GSE1: variants seen among roughly 807,000 people sequenced by gnomAD.
GSE1 encodes the protein Gse1 coiled-coil protein.
Under a neutral mutation model 112.6 loss-of-function variants are expected in GSE1, and 32 were observed. The ratio of observed to expected loss-of-function variants is 0.28; its 90% CI spans 0.21 to 0.38. The LOEUF is 0.38. Ranked by LOEUF, GSE1 falls within the 10% of genes least tolerant of loss-of-function variation. The probability of loss-of-function intolerance (pLI) is 1.00; values close to 1 mark genes in which losing one functional copy is unlikely to be tolerated. For synonymous variants in GSE1, 1,115 were observed against 735.6 expected (o/e 1.52, Z -8.35); for missense variants, 2,348 against 1,699.2 (o/e 1.38, Z -6.71).
intron 1 of GSE1, among the ~76,000 whole-genome samples, chr16:85,288,279 C>T (rs2045101124): frequency 6.6e-6 from 1 of 152,130 alleles, no homozygotes; most frequent in Admixed American, 6.5e-5. Flanking sequence ...CTCTCAGCCC[C>T]CCTACGCACT....
chr16:85,282,484 A>G (rs1293367305), intron 1 of GSE1, among the ~76,000 whole-genome samples: 1 of 152,194 alleles, frequency 6.6e-6, no homozygotes, highest in African/African-American at 2.4e-5. Context: ...TTGGGGACCC[A>G]GGGCATTTAC....
rs531315516 is a variant in GSE1 at position 85,626,121 on chromosome 16, G to C, written c.8-7793G>C. Among the ~76,000 whole-genome samples the C allele has an allele frequency of 3.9e-5, 6 of 152,150 alleles. No homozygotes were observed. In the East Asian group the frequency reaches 1.2e-3, roughly 29 times the overall value. On this transcript the variant is annotated intron_variant, in intron 1 of 15. Transcript: ENST00000253458. ...CAGTATGGGGACCCAGGGCAGCCTG[G>C]GGGGGTGTTTTTATTTGGAAAAAAA...
At chr16:85,651,271 G>A (rs1419580045) in intron 3 of GSE1, among the ~76,000 whole-genome samples, 2 of 151,996 alleles carry the variant, frequency 1.3e-5, no homozygotes, top group East Asian at 1.9e-4. Context: ...ATGGGGGGCA[G>A]CCCTGTGCCT....
At chr16:85,663,646 C>G in intron 11 of GSE1, 32 bp downstream of exon 11, 2 of 1,588,646 alleles carry the variant, frequency 1.3e-6, no homozygotes, top group South Asian at 1.1e-5. Flanking sequence ...AAGGTGGGGG[C>G]TCACTGGGGT....
chr16:85,670,813 T>G (rs2053268179), intron 14 of GSE1, 182 bp from the exon 15 acceptor site: 4 of 481,650 alleles, frequency 8.3e-6, no homozygotes, highest in Non-Finnish European at 1.5e-5. Flanking sequence ...TTTAGTGACG[T>G]TTATGTATTT....
chr16:85,546,006 C>T (rs1430794415), intron 2 of GSE1, among the ~76,000 whole-genome samples: 3 of 152,126 alleles, frequency 2.0e-5, no homozygotes, highest in East Asian at 1.9e-4. Flanking sequence ...AGGATGGTCT[C>T]GATCTCCTGA....
intron 1 of GSE1, among the ~76,000 whole-genome samples, chr16:85,246,546 G>T (rs1473689761): frequency 3.8e-5 from 5 of 132,438 alleles, no homozygotes; most frequent in Admixed American, 8.5e-5. Flanking sequence ...ATTAGCAGCT[G>T]TGCAGGAGCA....
intron 1 of GSE1, among the ~76,000 whole-genome samples, chr16:85,558,462 C>G (rs1340967751): frequency 1.3e-5 from 2 of 152,158 alleles, no homozygotes; most frequent in Non-Finnish European, 2.9e-5. Flanking sequence ...ATCAGGTGAC[C>G]GATTTTCTGT....
chr16:85,289,236 A>G (rs1324922291), intron 1 of GSE1, among the ~76,000 whole-genome samples: 1 of 152,116 alleles, frequency 6.6e-6, no homozygotes, highest in Non-Finnish European at 1.5e-5. Context: ...GCAGTCCCAG[A>G]GGCTCTTGTG....
Position 85,500,897 on chromosome 16 carries a change from G to C in GSE1, c.2465-133017G>C, listed in dbSNP as rs192656333. Among the ~76,000 whole-genome samples the C allele has an allele frequency of 1.1e-3, 162 of 151,922 alleles. 1 individual carries two copies. The highest frequency in any genetic ancestry group is 3.7e-3 in the African/African-American group (155 of 41,416). ...TCACAGTCTCTGCCTCTGTCAGCAC[G>C]TGGCTGTCTTCCGTGTGTGTGTCTG... On this transcript the variant is annotated intron_variant, in intron 2 of 2. Transcript: ENST00000637419.
At chr16:85,262,506 G>T (rs1907805038) in intron 1 of GSE1, among the ~76,000 whole-genome samples, 1 of 152,220 alleles carries the variant, frequency 6.6e-6, no homozygotes, top group Non-Finnish European at 1.5e-5. Flanking sequence ...GCATGCCTTG[G>T]CCTCCCTCCT....
At chr16:85,212,758 A>G (rs967806969) in intron 1 of GSE1, among the ~76,000 whole-genome samples, 5 of 152,176 alleles carry the variant, frequency 3.3e-5, no homozygotes, top group African/African-American at 1.2e-4. Flanking sequence ...CGCAGGGGTG[A>G]CAGCTGAAGA....
At chr16:85,486,331 A>G (rs1171897194) in intron 2 of GSE1, among the ~76,000 whole-genome samples, 2 of 152,094 alleles carry the variant, frequency 1.3e-5, no homozygotes, top group Non-Finnish European at 2.9e-5. Flanking sequence ...TCTTGCACGC[A>G]TGTTGTCACG....
At chr16:85,338,950 A>C (rs904113666) in intron 1 of GSE1, among the ~76,000 whole-genome samples, 7 of 152,188 alleles carry the variant, frequency 4.6e-5, no homozygotes, top group African/African-American at 1.7e-4. Flanking sequence ...AGGCAGAAGC[A>C]TGGGGCATCT....
chr16:85,378,405 G>A (rs576685454), intron 2 of GSE1, among the ~76,000 whole-genome samples: 1 of 152,266 alleles, frequency 6.6e-6, no homozygotes, highest in African/African-American at 2.4e-5. Context: ...GCGCCTGGCA[G>A]TGTGGGCATG....
intron 1 of GSE1, among the ~76,000 whole-genome samples, chr16:85,558,605 C>G (rs1009211827): frequency 6.6e-6 from 1 of 151,810 alleles, no homozygotes. Flanking sequence ...GTCCTGACCC[C>G]CAGGGAGATT....
At chr16:85,641,864 G>A (rs1041169053) in intron 2 of GSE1, among the ~76,000 whole-genome samples, 5 of 152,262 alleles carry the variant, frequency 3.3e-5, no homozygotes, top group African/African-American at 1.2e-4. Flanking sequence ...GGGCCAAGGG[G>A]CTGGACCTCC....
chr16:85,356,822 C>G (rs992282538), intron 1 of GSE1, among the ~76,000 whole-genome samples: 16 of 152,170 alleles, frequency 1.1e-4, no homozygotes, highest in Non-Finnish European at 2.4e-4. Context: ...GTAATCAAGG[C>G]ACTCCAGTTG....
intron 1 of GSE1, among the ~76,000 whole-genome samples, chr16:85,229,043 C>T (rs763598006): frequency 1.4e-4 from 21 of 152,340 alleles, no homozygotes; most frequent in Admixed American, 2.6e-4. Flanking sequence ...GTGCGACACT[C>T]GCCATCCCCA....
Sources: gnomAD v4.1 joint callset for allele counts (sites outside exome capture counted in the v4.1 genomes callset) on GRCh38, gnomAD v4.1.1 for gene constraint, MANE v1.5 for transcripts, NCBI Gene and HGNC (gene_info 2026-07-23, HGNC 2026-07-21) for gene names.